The following NXPH1 variants were observed in gnomAD, a reference collection of about 807,000 sequenced individuals.
The protein encoded by NXPH1 is neurexophilin 1.
In NXPH1, 5 loss-of-function variants were observed where a neutral mutation model predicts 23.7. The ratio of observed to expected loss-of-function variants is 0.21; its 90% CI spans 0.11 to 0.44. The LOEUF is 0.44. Ranked by LOEUF, NXPH1 falls within the 20% of genes least tolerant of loss-of-function variation. NXPH1 has a pLI of 0.99. For missense variants in NXPH1, 324 were observed against 321.6 expected (o/e 1.01, Z -0.06); for synonymous variants, 144 against 122.2 (o/e 1.18, Z -1.18).
intron 2 of NXPH1, among the ~76,000 whole-genome samples, chr7:8,446,242 G>A (rs1308737036): frequency 1.3e-5 from 2 of 152,198 alleles, no homozygotes; most frequent in Non-Finnish European, 2.9e-5. Flanking sequence ...TTAGTGCAGT[G>A]ATATGAACAC....
chr7:8,533,871 A>G (rs1046379046), intron 2 of NXPH1, among the ~76,000 whole-genome samples: 2 of 152,088 alleles, frequency 1.3e-5, no homozygotes, highest in African/African-American at 4.8e-5. Context: ...GGTGAGAGGG[A>G]ATATTTTGAA....
chr7:8,517,302 A>G (rs759720657), intron 2 of NXPH1, among the ~76,000 whole-genome samples: 17 of 152,090 alleles, frequency 1.1e-4, no homozygotes, highest in African/African-American at 2.7e-4. Flanking sequence ...TTGGGACTAA[A>G]GGGTAAATAG....
chr7:8,508,316 T>C (rs563850692), intron 2 of NXPH1, among the ~76,000 whole-genome samples: 1 of 152,274 alleles, frequency 6.6e-6, no homozygotes, highest in South Asian at 2.1e-4. Context: ...GTGGAATCAG[T>C]AGTTGGCTAT....
intron 2 of NXPH1, among the ~76,000 whole-genome samples, chr7:8,616,691 T>G (rs577419069): frequency 3.6e-4 from 55 of 152,046 alleles, no homozygotes; most frequent in African/African-American, 1.2e-3. Flanking sequence ...ACATTGTTGC[T>G]TTTGAACACA....
chr7:8,446,929 GA>G (rs56174181), intron 2 of NXPH1, among the ~76,000 whole-genome samples: 51,353 of 149,968 alleles, frequency 0.34, 9,739 homozygotes, highest in East Asian at 0.67. Context: ...TTTCTTATAA[GA>G]ATGACCACTG....
In NXPH1 at chr7:8,751,494, C is replaced by A. The variant is rs775786757; in HGVS notation, c.541C>A (p.Gln181Lys). 5 of 1,613,722 alleles carry A rather than the reference C, an allele frequency of 3.1e-6. No homozygotes were observed. Among genetic ancestry groups the A allele is most frequent in the Non-Finnish European group, 4.2e-6 (5 of 1,179,806 alleles). ...TKIVEFDLAQ[Q>K]TVIDAKDSKS... The stretch of plus-strand genomic sequence containing the variant: ...AATCGTGGAATTTGACTTGGCACAA[C>A]AAACCGTGATTGATGCCAAAGATTC... The change falls in exon 3 of 3, where the codon CAA becomes AAA. Residue 181 changes from glutamine (Q) to lysine (K), a missense_variant. By Grantham distance (53) the Gln-to-Lys change is moderately conservative. Coordinates refer to ENST00000405863, the MANE Select transcript of NXPH1 (RefSeq NM_152745.3). The surrounding 1 kb of genome is among the most constrained non-coding windows in gnomAD (Gnocchi z 4.5).
At chr7:8,549,503 A>T (rs1818247221) in intron 2 of NXPH1, among the ~76,000 whole-genome samples, 1 of 151,518 alleles carries the variant, frequency 6.6e-6, no homozygotes, top group African/African-American at 2.4e-5. Flanking sequence ...CTCCTGTGTT[A>T]TCCTGTTTTG....
At chr7:8,474,076 C>G (rs1816921114) in intron 2 of NXPH1, among the ~76,000 whole-genome samples, 1 of 152,044 alleles carries the variant, frequency 6.6e-6, no homozygotes, top group South Asian at 2.1e-4. Flanking sequence ...TGGTGGATAG[C>G]CAATTAACAG....
intron 2 of NXPH1, among the ~76,000 whole-genome samples, chr7:8,461,570 C>T (rs1816694804): frequency 6.6e-6 from 1 of 152,010 alleles, no homozygotes; most frequent in Non-Finnish European, 1.5e-5. Flanking sequence ...GTGGCTCACG[C>T]CTGTAATCCC....
At chr7:8,693,509 T>C (rs919756128) in intron 2 of NXPH1, among the ~76,000 whole-genome samples, 1 of 152,224 alleles carries the variant, frequency 6.6e-6, no homozygotes, top group Non-Finnish European at 1.5e-5. Flanking sequence ...TAAGTGTCTT[T>C]GGCAAAAGAC....
At chr7:8,473,808 A>G (rs1444863503) in intron 2 of NXPH1, among the ~76,000 whole-genome samples, 1 of 151,684 alleles carries the variant, frequency 6.6e-6, no homozygotes, top group African/African-American at 2.4e-5. Context: ...CCATTTAGTT[A>G]ATTTCACAGC....
chr7:8,731,777 G>C lies in NXPH1; in HGVS notation c.55-19231G>C, dbSNP rs570619507. Reference sequence around the variant, plus strand: ...GACAGGGACATTTAATTCTGCAGAGGTTACTGCTGTCTTTTTGTTTGTCTG... The same window carrying C: ...GACAGGGACATTTAATTCTGCAGAGCTTACTGCTGTCTTTTTGTTTGTCTG... On this transcript the variant is annotated intron_variant, in intron 2 of 2. Coordinates refer to ENST00000405863, the MANE Select transcript of NXPH1 (RefSeq NM_152745.3). Among the ~76,000 whole-genome samples, 5 of 152,358 alleles carry C rather than the reference G, an allele frequency of 3.3e-5. No individual in the cohort carries two copies. The East Asian group carries it at 9.7e-4, about 29-fold the overall frequency.
chr7:8,722,055 T>C (rs1779978855), intron 2 of NXPH1, among the ~76,000 whole-genome samples: 1 of 152,030 alleles, frequency 6.6e-6, no homozygotes. Flanking sequence ...ACCTCCAAAA[T>C]ACCAGGACCT....
intron 2 of NXPH1, among the ~76,000 whole-genome samples, chr7:8,711,361 AT>A (rs763818932): frequency 6.6e-5 from 10 of 152,110 alleles, no homozygotes; most frequent in Admixed American, 5.9e-4. Context: ...AAAATAGTAT[AT>A]TTTTTTCATG....
intron 2 of NXPH1, among the ~76,000 whole-genome samples, chr7:8,480,034 A>G (rs1817046926): frequency 6.6e-6 from 1 of 152,090 alleles, no homozygotes; most frequent in African/African-American, 2.4e-5. Flanking sequence ...AAGTGATAAA[A>G]CTATAAAAAG....
rs546730938 is a variant in NXPH1, at chr7:8,692,146, G to A, written c.55-58862G>A. On this transcript the variant is annotated intron_variant, in intron 2 of 2. Transcript: ENST00000405863. Reference sequence around the variant, plus strand: ...TGGCAGGGAGGGCTTACTAGATTCTGTTGGGCTTTGTAAACCAGGATAAAG... The same window carrying A: ...TGGCAGGGAGGGCTTACTAGATTCTATTGGGCTTTGTAAACCAGGATAAAG... Among the ~76,000 whole-genome samples, 12 of 151,850 alleles carry A rather than the reference G, an allele frequency of 7.9e-5. 1 individual carries two copies. The highest frequency in any genetic ancestry group is 2.9e-4 in the African/African-American group (12 of 41,408).
intron 2 of NXPH1, among the ~76,000 whole-genome samples, chr7:8,728,739 G>A (rs1164486351): frequency 6.6e-6 from 1 of 152,146 alleles, no homozygotes; most frequent in Admixed American, 6.5e-5. Context: ...GATTCTGTTT[G>A]CCAGTATTTT....
intron 2 of NXPH1, among the ~76,000 whole-genome samples, chr7:8,699,506 TA>T (rs1279056616): frequency 6.6e-6 from 1 of 152,110 alleles, no homozygotes; most frequent in Non-Finnish European, 1.5e-5. Context: ...GTAATTCTCA[TA>T]AAAAAGTAAT....
At chr7:8,582,658 G>C (rs536338543) in intron 2 of NXPH1, among the ~76,000 whole-genome samples, 3 of 152,114 alleles carry the variant, frequency 2.0e-5, no homozygotes, top group Non-Finnish European at 4.4e-5. Flanking sequence ...CTGTGTCTAG[G>C]GGGTTTTTAT....
Sources: gnomAD v4.1 joint callset for allele counts (sites outside exome capture counted in the v4.1 genomes callset) on GRCh38, gnomAD v4.1.1 for gene constraint, Gnocchi (gnomAD v3.1) non-coding constraint, MANE v1.5 for transcripts, NCBI Gene and HGNC (gene_info 2026-07-23, HGNC 2026-07-21) for gene names.